Variants in CHAF1B observed in about 807,000 individuals in gnomAD.
CHAF1B encodes the protein chromatin assembly factor 1 subunit B.
In CHAF1B, 10 loss-of-function variants were observed where a neutral mutation model predicts 60.7. That is an observed-to-expected ratio of 0.16 (90% CI 0.10 to 0.28). The LOEUF (loss-of-function observed/expected upper bound fraction) is 0.28, where lower values mean the gene tolerates loss of function less well. Among genes scored for constraint, CHAF1B ranks in the 10% least tolerant of loss-of-function variants. The pLI is 1.00. For missense variants in CHAF1B, 558 were observed against 708.4 expected (o/e 0.79, Z 2.41); for synonymous variants, 261 against 266.1 (o/e 0.98, Z 0.19).
intron 4 of CHAF1B, among the ~76,000 whole-genome samples, 163 bp from the exon 5 acceptor site, chr21:36,394,384 A>G (rs1175324773): frequency 6.6e-6 from 1 of 151,588 alleles, no homozygotes; most frequent in Non-Finnish European, 1.5e-5. Flanking sequence ...TGATTTTTGT[A>G]TTTTGAGTAG....
chr21:36,400,412 A>T (rs2086178138), intron 7 of CHAF1B, among the ~76,000 whole-genome samples: 1 of 152,124 alleles, frequency 6.6e-6, no homozygotes, highest in Non-Finnish European at 1.5e-5. Context: ...TGGAGGTTGC[A>T]GTGAGCTGAA....
Position 36,413,078 on chromosome 21 carries a change from C to T in CHAF1B, c.1256C>T (p.Thr419Ile), listed in dbSNP as rs1225560396. ...CCAGGACCCAGACCGGTAGAGGGAA[C>T]CCCTGCCAGCAGAACCCAAGACCCC... ...SSPGPRPVEG[T>I]PASRTQDPSS... Residue 419 changes from threonine to isoleucine, a missense_variant, in exon 12 of 14, where the codon ACC (threonine) becomes ATC (isoleucine). Physicochemically the swap from Thr to Ile is moderately conservative, Grantham distance 89 (BLOSUM62 -1). Around this residue, in one of 2 missense-constraint regions of CHAF1B, gnomAD observed 233 missense variants for 214.9 expected, o/e 1.08. Transcript: ENST00000314103. 2.5e-6 allele frequency: 4 copies of T among 1,614,160 alleles called. No individual in the cohort carries two copies. Among genetic ancestry groups the T allele is most frequent in the East Asian group, 2.2e-5 (1 of 44,876 alleles).
Position 36,409,449 on chromosome 21 carries a change from G to A in CHAF1B, c.903G>A (p.Arg301=). 6.2e-7 allele frequency: 1 copy of A among 1,613,470 alleles called. No homozygotes were observed. The highest frequency in any genetic ancestry group is 8.5e-7 in the Non-Finnish European group (1 of 1,179,564). ...VRCCPVYFEL[R]PVVETGVELM... is the part of the protein sequence containing the mutation. ...GCTGTCCGGTCTACTTTGAACTGAGGCCAGTGGTGGAAACAGGTATCCTCA... is the reference window on the plus strand; with the variant it reads ...GCTGTCCGGTCTACTTTGAACTGAGACCAGTGGTGGAAACAGGTATCCTCA... Residue 301 remains arginine, a synonymous_variant, in exon 10 of 14, where the codon AGG becomes AGA. Coordinates refer to ENST00000314103, the MANE Select transcript of CHAF1B (RefSeq NM_005441.3).
chr21:36,401,742 A>G (rs1181921440), intron 7 of CHAF1B, among the ~76,000 whole-genome samples: 2 of 149,624 alleles, frequency 1.3e-5, no homozygotes, highest in African/African-American at 2.5e-5. Flanking sequence ...TAAGAATTAA[A>G]TGCTTGTTTG....
At chr21:36,414,621 TA>T (rs2086303295) in intron 12 of CHAF1B, among the ~76,000 whole-genome samples, 1 of 152,194 alleles carries the variant, frequency 6.6e-6, no homozygotes, top group African/African-American at 2.4e-5. Context: ...TTTATTTATT[TA>T]TTCATTTGAG....
At chr21:36,416,147 A>G (rs1316011885) in intron 13 of CHAF1B, 128 bp from the exon 14 acceptor site, 3 of 767,282 alleles carry the variant, frequency 3.9e-6, no homozygotes, top group East Asian at 2.7e-5. Flanking sequence ...TAGAACTTCC[A>G]TTATATCAGT....
intron 10 of CHAF1B, 76 bp downstream of exon 10, chr21:36,409,541 T>G (rs1156304610): frequency 8.6e-6 from 9 of 1,051,170 alleles, no homozygotes; most frequent in African/African-American, 3.2e-5. Context: ...AGATTTGGAT[T>G]CTGTCTTATG....
At chr21:36,402,921 C>A in intron 8 of CHAF1B, 70 bp downstream of exon 8, 1 of 1,235,012 alleles carries the variant, frequency 8.1e-7, no homozygotes, top group Non-Finnish European at 1.2e-6. Context: ...TTTTACGCTG[C>A]AGCTTATCAG....
chr21:36,406,636 T>C (rs572217911), intron 8 of CHAF1B, among the ~76,000 whole-genome samples: 1 of 152,244 alleles, frequency 6.6e-6, no homozygotes, highest in South Asian at 2.1e-4. Flanking sequence ...GTGTATGACA[T>C]GATGTTTTGA....
At chr21:36,385,641 G>A (rs2146357362) in intron 1 of CHAF1B, among the ~76,000 whole-genome samples, 190 bp downstream of exon 1, 1 of 151,766 alleles carries the variant, frequency 6.6e-6, no homozygotes, top group East Asian at 2.0e-4. Flanking sequence ...CAGCTTCCCG[G>A]GCCCAGCGCC....
At chr21:36,412,031 A>G (rs940597770) in intron 11 of CHAF1B, among the ~76,000 whole-genome samples, 3 of 151,692 alleles carry the variant, frequency 2.0e-5, no homozygotes, top group South Asian at 2.1e-4. Context: ...CCCGGCCCCA[A>G]TTTTGTTTTT....
chr21:36,410,681 T>TC (rs896330335), intron 10 of CHAF1B, among the ~76,000 whole-genome samples: 52 of 151,696 alleles, frequency 3.4e-4, no homozygotes, highest in African/African-American at 1.2e-3. Flanking sequence ...TTTCTTTTTT[T>TC]TTTTTTTCTT....
chr21:36,405,645 G>GGTCTTAAA (rs1390349929), intron 8 of CHAF1B, among the ~76,000 whole-genome samples: 3 of 152,064 alleles, frequency 2.0e-5, no homozygotes, highest in Admixed American at 6.6e-5. Flanking sequence ...TGCCCAGGCT[G>GGTCTTAAA]GTCTTAAACT....
Position 36,391,548 on chromosome 21 carries a change from C to T in CHAF1B, c.260-3C>T, listed in dbSNP as rs2086087981. ...GGATCACTGTTACTGAATCACCCTG[C>T]AGATGCTGTCATCCTATTGTGGAAG... On this transcript the variant is annotated splice_polypyrimidine_tract_variant and splice_region_variant and intron_variant, in intron 3 of 13. Transcript: ENST00000314103. 1.9e-6 allele frequency: 3 copies of T among 1,578,422 alleles called. No homozygotes were observed. The highest frequency in any genetic ancestry group is 2.7e-5 in the African/African-American group (2 of 74,056).
intron 5 of CHAF1B, 63 bp from the exon 6 acceptor site, chr21:36,397,352 A>G (rs78673386): frequency 0.027 from 19,789 of 732,126 alleles, 387 homozygotes; most frequent in Admixed American, 0.064. Context: ...AGTTTATACT[A>G]TTTGGGCTCA....
At position 36,413,084 on chromosome 21, in the gene CHAF1B, C is replaced by T. The variant is rs2086290304; in HGVS notation, c.1262C>T (p.Ala421Val). 4 of 1,614,046 alleles carry T rather than the reference C, an allele frequency of 2.5e-6. No homozygotes were observed. In the South Asian group the frequency reaches 4.4e-5, roughly 18 times the overall value. ...PGPRPVEGTP[A>V]SRTQDPSSPG... is the part of the protein sequence containing the mutation. ...CCCAGACCGGTAGAGGGAACCCCTG[C>T]CAGCAGAACCCAAGACCCCAGCAGC... Residue 421 changes from alanine to valine, a missense_variant, in exon 12 of 14, where the codon GCC becomes GTC. Around this residue, in one of 2 missense-constraint regions of CHAF1B, gnomAD observed 233 missense variants for 214.9 expected, o/e 1.08. Coordinates refer to ENST00000314103, the MANE Select transcript of CHAF1B (RefSeq NM_005441.3).
At chr21:36,390,333 CAAAAA>C (rs1555911920) in intron 3 of CHAF1B, among the ~76,000 whole-genome samples, 1 of 81,938 alleles carries the variant, frequency 1.2e-5, no homozygotes. Flanking sequence ...AACACCATCT[CAAAAA>C]AAAAAAAAAA....
intron 1 of CHAF1B, among the ~76,000 whole-genome samples, 152 bp downstream of exon 1, chr21:36,385,603 CGCGGCCTCCTCCCG>C (rs1304967231): frequency 6.6e-6 from 1 of 151,708 alleles, no homozygotes; most frequent in African/African-American, 2.4e-5. Context: ...CCCGGCCCCG[CGCGGCCTCCTCCCG>C]GCGGCCTCAG....
At chr21:36,389,759 ATGTGTG>A (rs1555911822) in intron 3 of CHAF1B, among the ~76,000 whole-genome samples, 6,464 of 125,862 alleles carry the variant, frequency 0.051, 188 homozygotes, top group Non-Finnish European at 0.068. Context: ...GCATGAAGGG[ATGTGTG>A]TGTGTGTGTG....
Sources: gnomAD v4.1 joint callset for allele counts (sites outside exome capture counted in the v4.1 genomes callset) on GRCh38, gnomAD v4.1.1 for gene constraint, gnomAD v4.1.1 regional missense constraint, MANE v1.5 for transcripts, NCBI Gene and HGNC (gene_info 2026-07-23, HGNC 2026-07-21) for gene names.